Variants in CRBN observed in about 807,000 individuals in gnomAD.
CRBN encodes the protein cereblon.
Under a neutral mutation model 62.2 loss-of-function variants are expected in CRBN, and 53 were observed. The ratio of observed to expected loss-of-function variants is 0.85; its 90% confidence interval spans 0.68 to 1.07. The LOEUF is 1.07. Among genes scored for constraint, CRBN ranks in the 50% least tolerant of loss-of-function variants. The pLI, the probability that CRBN is intolerant of heterozygous loss-of-function variation, is 0.00. For missense variants in CRBN, 616 were observed against 531.1 expected, an observed-to-expected ratio of 1.16 and a Z score of -1.57; for synonymous variants, 208 against 176.1, an observed-to-expected ratio of 1.18 and a Z score of -1.43.
chr3:3,162,984 C>T (rs556803390), intron 5 of CRBN, among the ~76,000 whole-genome samples: 1 of 152,340 alleles, frequency 6.6e-6, no homozygotes, highest in South Asian at 2.1e-4. Flanking sequence ...CATGCCAAAC[C>T]ACTCAGATGG....
At chr3:3,156,679 TTAAATG>T (rs1386615302) in intron 5 of CRBN, 3 of 209,990 alleles carry the variant, frequency 1.4e-5, no homozygotes, top group Non-Finnish European at 2.9e-5. Flanking sequence ...TGTAAAAACT[TTAAATG>T]AGAATCAGCT....
At chr3:3,177,998 AAAAAC>A (rs906810735) in intron 1 of CRBN, among the ~76,000 whole-genome samples, 1 of 147,192 alleles carries the variant, frequency 6.8e-6, no homozygotes, top group Non-Finnish European at 1.5e-5. Context: ...CTGAAAAACA[AAAAAC>A]AAAACAAAAC....
intron 9 of CRBN, chr3:3,152,839 C>A: frequency 1.9e-6 from 1 of 521,778 alleles, no homozygotes; most frequent in Non-Finnish European, 3.4e-6. Context: ...GTTTTTAAAA[C>A]CCTCCTCAAG....
intron 5 of CRBN, among the ~76,000 whole-genome samples, chr3:3,165,119 C>A (rs1707278953): frequency 6.6e-6 from 1 of 152,114 alleles, no homozygotes; most frequent in Non-Finnish European, 1.5e-5. Flanking sequence ...AGAAGTGGAA[C>A]CCACAGATAG....
intron 2 of CRBN, 134 bp downstream of exon 2, chr3:3,175,029 C>CAGT: frequency 6.5e-6 from 1 of 152,736 alleles, no homozygotes; most frequent in Non-Finnish European, 1.8e-5. Context: ...TGTTTATCTA[C>CAGT]TGGCAAATAG....
In CRBN at chr3:3,154,088, G is replaced by T. The variant is rs748127605; in HGVS notation, c.836-13C>A. ...CTGTAAGAAAAATCTTCAAGACATG[G>T]TTTTTCAAGTTTTAAACTTAGGAGT... On this transcript the variant is annotated splice_polypyrimidine_tract_variant and intron_variant, in intron 7 of 10. Transcript: ENST00000231948. 1 of 1,494,000 alleles carries T rather than the reference G, an allele frequency of 6.7e-7. No homozygotes were observed. Among genetic ancestry groups the T allele is most frequent in the South Asian group, 1.1e-5 (1 of 88,624 alleles). The allele number at this position is 1,494,000 out of a possible 1,614,324, so 92.5% of individuals were successfully genotyped here.
intron 5 of CRBN, among the ~76,000 whole-genome samples, chr3:3,163,000 C>G (rs1328272273): frequency 1.3e-5 from 2 of 152,216 alleles, no homozygotes; most frequent in Non-Finnish European, 2.9e-5. Context: ...GATGGTCCCA[C>G]TGCATACGGA....
chr3:3,157,947 T>A (rs1270563210), intron 5 of CRBN, among the ~76,000 whole-genome samples: 2 of 152,080 alleles, frequency 1.3e-5, no homozygotes, highest in South Asian at 2.1e-4. Flanking sequence ...ATTTTAGGAG[T>A]TGCAATATGG....
intron 1 of CRBN, among the ~76,000 whole-genome samples, chr3:3,176,091 T>C (rs1333082063): frequency 6.6e-6 from 1 of 152,170 alleles, no homozygotes; most frequent in African/African-American, 2.4e-5. Context: ...AGCCTCCACT[T>C]CAGGGGTGAT....
chr3:3,173,665 T>G (rs1313146273), intron 3 of CRBN, among the ~76,000 whole-genome samples: 1 of 152,154 alleles, frequency 6.6e-6, no homozygotes, highest in Non-Finnish European at 1.5e-5. Context: ...GTACAACCTA[T>G]GAATTTTGAG....
At chr3:3,165,363 G>A (rs73108809) in intron 5 of CRBN, among the ~76,000 whole-genome samples, 91 of 152,262 alleles carry the variant, frequency 6.0e-4, no homozygotes, top group African/African-American at 2.0e-3. Context: ...ATCAAACAGC[G>A]CCGCATGCTA....
intron 4 of CRBN, among the ~76,000 whole-genome samples, chr3:3,168,580 G>A (rs1575095573): frequency 6.6e-6 from 1 of 152,242 alleles, no homozygotes; most frequent in South Asian, 2.1e-4. Flanking sequence ...TCAAATGCTA[G>A]TATATAACAC....
Position 3,167,725 on chromosome 3 carries a change from A to T in CRBN, c.596T>A (p.Leu199Ter). 6.2e-7 allele frequency: 1 copy of T among 1,613,666 alleles called. No homozygotes were observed. The highest frequency in any genetic ancestry group is 8.5e-7 in the Non-Finnish European group (1 of 1,179,636). ...TATCTGGCACTTATTGAGGGATTCTAATTGAACTGCAGACATGGTTGAAGG... is the reference window on the plus strand; with the variant it reads ...TATCTGGCACTTATTGAGGGATTCTTATTGAACTGCAGACATGGTTGAAGG... ...VLPSTMSAVQ[L>*]ESLNKCQIFP... Residue 199 changes from leucine to a stop codon, truncating the protein, a stop_gained, in exon 5 of 11, where the codon TTA becomes TAA. Transcript: ENST00000231948. LOFTEE classifies it high-confidence loss of function.
chr3:3,160,549 T>C (rs1054414498), intron 5 of CRBN, among the ~76,000 whole-genome samples: 1 of 152,322 alleles, frequency 6.6e-6, no homozygotes, highest in East Asian at 1.9e-4. Context: ...GACCAGTCTT[T>C]CTGAGGAAGC....
chr3:3,161,635 C>T (rs1167784146), intron 5 of CRBN, among the ~76,000 whole-genome samples: 1 of 152,196 alleles, frequency 6.6e-6, no homozygotes. Context: ...GATCCACCCG[C>T]CTCAGCCTCC....
intron 5 of CRBN, among the ~76,000 whole-genome samples, chr3:3,161,112 T>C (rs1458402713): frequency 6.6e-6 from 1 of 152,102 alleles, no homozygotes; most frequent in Non-Finnish European, 1.5e-5. Context: ...AATTAAACTA[T>C]GTAAGAACAA....
In CRBN at chr3:3,156,290, A is replaced by T; in HGVS notation, c.688-9T>A. 1 of 1,613,602 alleles carries T rather than the reference A, an allele frequency of 6.2e-7. No individual in the cohort carries two copies. Among genetic ancestry groups the T allele is most frequent in the Non-Finnish European group, 8.5e-7 (1 of 1,179,550 alleles). ...GCACAATGAAACTTTCTCTGAAAAC[A>T]AAACAAAAAGGCACTTAAAAAACCC... On this transcript the variant is annotated splice_polypyrimidine_tract_variant and intron_variant, in intron 5 of 10. Coordinates refer to ENST00000231948, the MANE Select transcript of CRBN (RefSeq NM_016302.4).
chr3:3,170,983 T>A (rs1229208471), intron 4 of CRBN, among the ~76,000 whole-genome samples: 1 of 152,108 alleles, frequency 6.6e-6, no homozygotes, highest in Non-Finnish European at 1.5e-5. Context: ...CTTTGTATTT[T>A]TAGTAGAGAT....
intron 5 of CRBN, among the ~76,000 whole-genome samples, chr3:3,157,524 A>C (rs905264107): frequency 8.5e-5 from 13 of 152,220 alleles, no homozygotes; most frequent in African/African-American, 3.1e-4. Context: ...TGCACCTGCA[A>C]TATCAAATGA....
Sources: gnomAD v4.1 joint callset for allele counts (sites outside exome capture counted in the v4.1 genomes callset) on GRCh38, gnomAD v4.1.1 for gene constraint, MANE v1.5 for transcripts, NCBI Gene and HGNC (gene_info 2026-07-23, HGNC 2026-07-21) for gene names.